PHF2: variants seen among roughly 807,000 people sequenced by gnomAD.
PHF2 encodes the protein lysine-specific demethylase PHF2.
PHF2 carries 27 observed loss-of-function variants against 120.5 expected under a neutral mutation model. That is an observed-to-expected ratio of 0.22 (90% CI 0.17 to 0.31). The LOEUF is 0.31. Ranked by LOEUF, PHF2 falls within the 10% of genes least tolerant of loss-of-function variation. The probability of loss-of-function intolerance (pLI) is 1.00; values close to 1 mark genes in which losing one functional copy is unlikely to be tolerated. For missense variants in PHF2, 1,024 were observed against 1,434.8 expected (o/e 0.71, Z 4.63); for synonymous variants, 568 against 592.5 (o/e 0.96, Z 0.60).
intron 1 of PHF2, among the ~76,000 whole-genome samples, chr9:93,607,902 A>G (rs1226221780): frequency 6.6e-6 from 1 of 151,128 alleles, no homozygotes; most frequent in Non-Finnish European, 1.5e-5. Context: ...ATGGAGAGAG[A>G]GAAAGGGAAA....
At position 93,576,706 on chromosome 9, in the gene PHF2, CCCCGGCCCGG is replaced by C. The variant is rs1173019561; in HGVS notation, c.-62_-53del. 3.1e-6 allele frequency: 2 copies of C among 641,694 alleles called. No individual in the cohort carries two copies. The highest frequency in any genetic ancestry group is 2.0e-5 in the African/African-American group (1 of 49,516). The allele number at this position is 641,694 out of a possible 1,614,324, so 39.8% of individuals were successfully genotyped here. On this transcript the variant is annotated 5_prime_UTR_variant, in exon 1 of 22. Coordinates refer to ENST00000359246, the MANE Select transcript of PHF2 (RefSeq NM_005392.4). ...CCCCGCCGCCCCCGCGCGGCCCGGC[CCCCGGCCCGG>C]CCCGGACCGACCCGGGCAGCGCAGC...
intron 1 of PHF2, among the ~76,000 whole-genome samples, chr9:93,577,708 AG>A (rs1012143579): frequency 6.6e-6 from 1 of 151,734 alleles, no homozygotes; most frequent in Admixed American, 6.5e-5. Flanking sequence ...GAAGATGGGG[AG>A]GGGGGAAGGA....
intron 4 of PHF2, 60 bp downstream of exon 4, chr9:93,645,849 C>A: frequency 6.7e-7 from 1 of 1,493,746 alleles, no homozygotes; most frequent in Admixed American, 2.0e-5. Flanking sequence ...GGGACACCCA[C>A]CACTGTGCAT....
At chr9:93,596,361 C>T (rs1464355966) in intron 1 of PHF2, among the ~76,000 whole-genome samples, 1 of 152,116 alleles carries the variant, frequency 6.6e-6, no homozygotes, top group East Asian at 1.9e-4. Flanking sequence ...GATCAAGGCT[C>T]CATGGATGCT....
At chr9:93,624,677 G>A (rs537226254) in intron 1 of PHF2, among the ~76,000 whole-genome samples, 1 of 109,736 alleles carries the variant, frequency 9.1e-6, no homozygotes, top group East Asian at 2.9e-4. Context: ...TGATGGTGAT[G>A]ATGATGATGG....
Position 93,636,461 on chromosome 9 carries a change from G to A in PHF2, c.235G>A (p.Val79Ile), listed in dbSNP as rs765245891. ...ACACGGCCCGGGGCAAGCGCCTGAC[G>A]TCAAGCCCGTGCAGAATGGCAGCCA... ...HKHGPGQAPD[V>I]KPVQNGSQLF... The change falls in exon 3 of 22, where the codon GTC becomes ATC. Residue 79 changes from valine to isoleucine, a missense_variant. Physicochemically the swap from Val to Ile is conservative, Grantham distance 29 (BLOSUM62 3). Around this residue, in one of 2 missense-constraint regions of PHF2, gnomAD observed 347 missense variants for 577.4 expected, o/e 0.60. Transcript: ENST00000359246. 9 of 1,610,212 alleles carry A rather than the reference G, an allele frequency of 5.6e-6. No homozygotes were observed. Among genetic ancestry groups the A allele is most frequent in the African/African-American group, 4.0e-5 (3 of 74,898 alleles).
rs75271749 is a variant in PHF2 at position 93,674,318 on chromosome 9, T to G, written c.2626+456T>G. On this transcript the variant is annotated intron_variant, in intron 18 of 21. Coordinates refer to ENST00000359246, the MANE Select transcript of PHF2 (RefSeq NM_005392.4). Reference sequence around the variant, plus strand: ...GGGGCAGCTCCCCACCAGCCACAGGTCATGCCCTACAGTGTCCCCTCCACC... The same window carrying G: ...GGGGCAGCTCCCCACCAGCCACAGGGCATGCCCTACAGTGTCCCCTCCACC... 6.3e-3 allele frequency among the ~76,000 whole-genome samples: 964 copies of G among 152,114 alleles called. 11 individuals carry two copies. The highest frequency in any genetic ancestry group is 0.022 in the African/African-American group (895 of 41,522).
intron 12 of PHF2, among the ~76,000 whole-genome samples, chr9:93,662,529 T>G (rs1587714669): frequency 7.5e-6 from 1 of 133,956 alleles, no homozygotes; most frequent in African/African-American, 3.1e-5. Context: ...GATGGATGGG[T>G]GGGCGGATGG....
intron 3 of PHF2, among the ~76,000 whole-genome samples, chr9:93,643,171 C>G (rs565343424): frequency 2.0e-5 from 3 of 152,168 alleles, no homozygotes; most frequent in South Asian, 4.2e-4. Context: ...ACTAGTATGT[C>G]CTTGGCTGCT....
Position 93,660,493 on chromosome 9 carries a change from A to G in PHF2, c.1631A>G (p.Asn544Ser), listed in dbSNP as rs1489345981. Residue 544 changes from asparagine (N) to serine (S), a missense_variant, in exon 12 of 22, where the codon AAC becomes AGC. Around this residue, in one of 2 missense-constraint regions of PHF2, gnomAD observed 677 missense variants for 857.4 expected, o/e 0.79. Coordinates refer to ENST00000359246, the MANE Select transcript of PHF2 (RefSeq NM_005392.4). ...SRESASPTIP[N>S]LDLLEAHTKE... is the part of the protein sequence containing the mutation. The stretch of plus-strand genomic sequence containing the variant: ...GAGTCAGCCTCACCCACCATCCCCA[A>G]CCTGGACCTGCTCGAAGCCCACACC... 2 of 1,605,686 alleles carry G rather than the reference A, an allele frequency of 1.2e-6. No homozygotes were observed.
chr9:93,583,714 A>G (rs1301184547), intron 1 of PHF2, among the ~76,000 whole-genome samples: 2 of 152,222 alleles, frequency 1.3e-5, no homozygotes, highest in East Asian at 3.8e-4. Flanking sequence ...TTCTTTGGAC[A>G]AATGTCTACT....
rs745579924 is a variant in PHF2, at chr9:93,667,071, G to A, written c.2188-9G>A. 1.2e-5 allele frequency: 19 copies of A among 1,609,178 alleles called. No homozygotes were observed. The highest frequency in any genetic ancestry group is 7.7e-5 in the South Asian group (7 of 90,666). On this transcript the variant is annotated splice_polypyrimidine_tract_variant and intron_variant, in intron 16 of 21. Coordinates refer to ENST00000359246, the MANE Select transcript of PHF2 (RefSeq NM_005392.4). ...TCCCCTGACCGAAGCCCTGTCCCTCGCGCAGCAGAGTGATGACTCCTCGGA... is the reference window on the plus strand; with the variant it reads ...TCCCCTGACCGAAGCCCTGTCCCTCACGCAGCAGAGTGATGACTCCTCGGA...
intron 1 of PHF2, among the ~76,000 whole-genome samples, chr9:93,615,515 C>T (rs2250236): frequency 0.82 from 125,067 of 152,184 alleles, 51,902 homozygotes; most frequent in East Asian, 0.94. Flanking sequence ...ATTTCTGTCA[C>T]TGACCTTCTA....
chr9:93,598,592 G>A (rs1457209874), intron 1 of PHF2, among the ~76,000 whole-genome samples: 2 of 151,988 alleles, frequency 1.3e-5, no homozygotes, highest in Admixed American at 6.6e-5. Flanking sequence ...CAGGCATTCT[G>A]TCAGCCCCCC....
chr9:93,607,344 T>A (rs1200191138), intron 1 of PHF2, among the ~76,000 whole-genome samples: 1 of 151,742 alleles, frequency 6.6e-6, no homozygotes, highest in Admixed American at 6.6e-5. Flanking sequence ...TGATCTCGGC[T>A]CACTGCAACC....
intron 5 of PHF2, among the ~76,000 whole-genome samples, chr9:93,650,316 G>A (rs534918301): frequency 5.3e-5 from 8 of 152,070 alleles, no homozygotes; most frequent in Admixed American, 2.6e-4. Context: ...CTCATGACAC[G>A]CTTATGACAC....
intron 12 of PHF2, among the ~76,000 whole-genome samples, chr9:93,661,924 AATGG>A (rs893590130): frequency 4.0e-5 from 6 of 151,086 alleles, no homozygotes; most frequent in Admixed American, 2.6e-4. Context: ...TGAATGAAAA[AATGG>A]ATGGATGGAT....
At chr9:93,581,794 C>T (rs1341227439) in intron 1 of PHF2, among the ~76,000 whole-genome samples, 2 of 152,160 alleles carry the variant, frequency 1.3e-5, no homozygotes, top group African/African-American at 2.4e-5. Context: ...GCTGCCACCC[C>T]CAGGCATCCT....
chr9:93,619,617 C>T (rs1279826436), intron 1 of PHF2, among the ~76,000 whole-genome samples: 2 of 152,108 alleles, frequency 1.3e-5, no homozygotes, highest in Non-Finnish European at 2.9e-5. Flanking sequence ...GGCCTGTGTG[C>T]CATGCCTGCT....
Sources: allele counts gnomAD v4.1 joint callset (sites outside exome capture counted in the v4.1 genomes callset), GRCh38; gene constraint gnomAD v4.1.1; regional missense constraint gnomAD v4.1.1; transcripts MANE v1.5; gene names NCBI Gene and HGNC (gene_info 2026-07-23, HGNC 2026-07-21).